Variants in UNC80 observed in about 807,000 individuals in gnomAD.
The protein encoded by UNC80 is unc-80 subunit of NALCN channel complex.
In UNC80, 164 loss-of-function variants were observed where a neutral mutation model predicts 384.6. That is an observed-to-expected ratio of 0.43 (90% CI 0.38 to 0.49). The LOEUF (loss-of-function observed/expected upper bound fraction) is 0.49. UNC80 is among the 20% of genes least tolerant of loss of function. The pLI is 0.00. For synonymous variants in UNC80, 1,486 were observed against 1,527.8 expected, an observed-to-expected ratio of 0.97 and a Z score of 0.64; for missense variants, 3,330 against 4,143.0, an observed-to-expected ratio of 0.80 and a Z score of 5.39.
At chr2:209,777,593 G>A (rs1462024343) in intron 4 of UNC80, 34 bp downstream of exon 4, 9 of 1,568,596 alleles carry the variant, frequency 5.7e-6, no homozygotes, top group African/African-American at 1.4e-5. Flanking sequence ...GCTGGAGTGG[G>A]TGGAGATGTG....
rs575254349 is a variant in UNC80, at chr2:209,931,866, G to A, written c.5994+812G>A. ...TCCAATCCAGATTTAAGTTCAGACC[G>A]GTACCAAAACATAAACAGTACATTT... is the stretch of plus-strand genomic sequence containing the variant. On this transcript the variant is annotated intron_variant, in intron 38 of 64. Coordinates refer to ENST00000673920, the MANE Select transcript of UNC80 (RefSeq NM_001371986.1). 2.6e-5 allele frequency among the ~76,000 whole-genome samples: 4 copies of A among 152,260 alleles called. No homozygotes were observed. The South Asian group carries it at 6.2e-4, about 24-fold the overall frequency.
rs930431573 is a variant in UNC80 at position 209,839,988 on chromosome 2, G to A, written c.3251-554G>A. Among the ~76,000 whole-genome samples the A allele has an allele frequency of 1.3e-5, 2 of 152,142 alleles. No individual in the cohort carries two copies. Among genetic ancestry groups the A allele is most frequent in the Admixed American group, 6.5e-5 (1 of 15,274 alleles). On this transcript the variant is annotated intron_variant, in intron 19 of 64. Transcript: ENST00000673920. The surrounding 1 kb of genome is among the most constrained non-coding windows in gnomAD (Gnocchi z 4.1). ...AACTGAAACAAGGGGACAAGTGGCG[G>A]TATGACTATAGTAGAATGATAGGGG...
intron 29 of UNC80, 83 bp from the exon 30 acceptor site, chr2:209,912,477 C>G: frequency 1.3e-6 from 1 of 777,548 alleles, no homozygotes. Flanking sequence ...AAGATGGTTG[C>G]CTGGAGAATT....
intron 6 of UNC80, among the ~76,000 whole-genome samples, chr2:209,792,168 G>A (rs2077850135): frequency 6.6e-6 from 1 of 152,138 alleles, no homozygotes; most frequent in South Asian, 2.1e-4. Flanking sequence ...GCGGGACATA[G>A]TGGCACATGC....
intron 35 of UNC80, among the ~76,000 whole-genome samples, 188 bp from the exon 36 acceptor site, chr2:209,926,655 G>A (rs1364530195): frequency 6.6e-6 from 1 of 152,080 alleles, no homozygotes; most frequent in Admixed American, 6.6e-5. Flanking sequence ...ACACCTATGT[G>A]GTCCCAGCTA....
intron 58 of UNC80, 117 bp from the exon 59 acceptor site, chr2:209,978,412 T>G: frequency 3.4e-6 from 3 of 872,650 alleles, no homozygotes; most frequent in Non-Finnish European, 5.0e-6. Context: ...AGATCATTTG[T>G]CTGGGACACA....
intron 21 of UNC80, among the ~76,000 whole-genome samples, chr2:209,843,315 T>C (rs1019325822): frequency 3.3e-5 from 5 of 152,218 alleles, no homozygotes; most frequent in Non-Finnish European, 7.4e-5. Flanking sequence ...ATTTTCTGTT[T>C]TCATATCACA....
intron 2 of UNC80, among the ~76,000 whole-genome samples, chr2:209,775,339 T>A (rs553431090): frequency 6.6e-6 from 1 of 152,328 alleles, no homozygotes; most frequent in African/African-American, 2.4e-5. Context: ...ATATTAAGTA[T>A]CTTTTATTGT....
rs1009128485 is a variant in UNC80, at chr2:209,881,187, C to T, written c.4110+93C>T. 2.9e-5 allele frequency: 40 copies of T among 1,386,924 alleles called. No homozygotes were observed. In the Admixed American group the frequency reaches 1.0e-3, roughly 35 times the overall value. The allele number at this position is 1,386,924 out of a possible 1,614,324, so 85.9% of individuals were successfully genotyped here. Reference sequence around the variant, plus strand: ...AGATTCACAGTTTTCTTAAATGTTCCATGGCTAGTGTATCACATAATTTTA... The same window carrying T: ...AGATTCACAGTTTTCTTAAATGTTCTATGGCTAGTGTATCACATAATTTTA... On this transcript the variant is annotated intron_variant, in intron 25 of 64. Transcript: ENST00000673920.
At chr2:209,880,371 C>T (rs562835160) in intron 24 of UNC80, among the ~76,000 whole-genome samples, 1 of 152,318 alleles carries the variant, frequency 6.6e-6, no homozygotes, top group Admixed American at 6.5e-5. Flanking sequence ...CTAGCTTGCA[C>T]AAACTGTATG....
chr2:209,893,231 G>A (rs2086513183), intron 26 of UNC80, among the ~76,000 whole-genome samples: 1 of 152,128 alleles, frequency 6.6e-6, no homozygotes, highest in African/African-American at 2.4e-5. Flanking sequence ...TCTTAAGAAG[G>A]TAAGCTTATA....
chr2:209,982,932 A>C (rs2093191827), intron 60 of UNC80: 1 of 123,702 alleles, frequency 8.1e-6, no homozygotes, highest in Non-Finnish European at 1.7e-5. Context: ...AGTAAAAAAA[A>C]ACTTCCCATG....
At chr2:209,784,011 A>C (rs1188036746) in intron 4 of UNC80, among the ~76,000 whole-genome samples, 4 of 152,136 alleles carry the variant, frequency 2.6e-5, no homozygotes, top group African/African-American at 7.2e-5. Flanking sequence ...CAAACTTAAC[A>C]TGTCTAAAAC....
intron 21 of UNC80, among the ~76,000 whole-genome samples, chr2:209,848,732 A>G (rs930593178): frequency 1.3e-5 from 2 of 152,154 alleles, no homozygotes; most frequent in Admixed American, 6.6e-5. Flanking sequence ...GTCTAAATGA[A>G]TCTGTGTCCC....
chr2:209,801,377 CTTTTTTTT>C (rs35079056), intron 7 of UNC80, among the ~76,000 whole-genome samples: 5 of 65,976 alleles, frequency 7.6e-5, no homozygotes, highest in Non-Finnish European at 1.1e-4. Flanking sequence ...GCAACCCCTG[CTTTTTTTT>C]TTTTTTTTTT....
At chr2:209,885,043 C>T (rs892613684) in intron 25 of UNC80, among the ~76,000 whole-genome samples, 1 of 151,210 alleles carries the variant, frequency 6.6e-6, no homozygotes, top group African/African-American at 2.4e-5. Context: ...CACATGTATC[C>T]TGAAACTTAA....
chr2:209,838,711 C>T (rs2081521745), intron 18 of UNC80, among the ~76,000 whole-genome samples: 1 of 152,114 alleles, frequency 6.6e-6, no homozygotes, highest in Non-Finnish European at 1.5e-5. Context: ...CCTGTAATCC[C>T]AGCACTTTGG....
chr2:209,911,920 C>T (rs192022745), intron 29 of UNC80, among the ~76,000 whole-genome samples: 1 of 152,150 alleles, frequency 6.6e-6, no homozygotes, highest in Non-Finnish European at 1.5e-5. Context: ...GTTGAGGAGA[C>T]AATTTTTAAG....
chr2:209,913,700 T>C, intron 30 of UNC80, 102 bp from the exon 31 acceptor site: 1 of 1,273,880 alleles, frequency 7.9e-7, no homozygotes, highest in Non-Finnish European at 1.1e-6. Context: ...TTAAGGTCAC[T>C]TAAGGCAAGC....
Sources: allele counts gnomAD v4.1 joint callset (sites outside exome capture counted in the v4.1 genomes callset), GRCh38; gene constraint gnomAD v4.1.1; non-coding constraint Gnocchi (gnomAD v3.1); transcripts MANE v1.5; gene names NCBI Gene and HGNC (gene_info 2026-07-23, HGNC 2026-07-21).